Variants in PRDM5 observed in about 807,000 individuals in gnomAD.
PRDM5 encodes the protein PR/SET domain 5, also known as PR domain zinc finger protein 5.
A neutral mutation model predicts 81.2 loss-of-function variants in PRDM5; 56 were observed. The ratio of observed to expected loss-of-function variants is 0.69; its 90% CI spans 0.56 to 0.86. PRDM5 has a LOEUF of 0.86. Ranked by LOEUF, PRDM5 falls within the 40% of genes least tolerant of loss-of-function variation. The pLI is 0.00. For synonymous variants in PRDM5, 267 were observed against 256.4 expected, an observed-to-expected ratio of 1.04 and a Z score of -0.39; for missense variants, 697 against 770.1, an observed-to-expected ratio of 0.91 and a Z score of 1.12.
downstream of PRDM5, among the ~76,000 whole-genome samples, chr4:120,686,942 G>T (rs955202710): frequency 6.6e-6 from 1 of 151,966 alleles, no homozygotes; most frequent in African/African-American, 2.4e-5. Flanking sequence ...TTCAAACTCA[G>T]AATTGAAATT....
intron 15 of PRDM5, among the ~76,000 whole-genome samples, chr4:120,708,461 G>C (rs779080327): frequency 6.6e-5 from 10 of 152,056 alleles, no homozygotes; most frequent in Non-Finnish European, 1.5e-4. Flanking sequence ...AGTGAAAGCA[G>C]ATTGGTAGCT....
At position 120,846,406 on chromosome 4, in the gene PRDM5, C is replaced by A. The variant is rs552371522; in HGVS notation, c.300+7012G>T. On this transcript the variant is annotated intron_variant, in intron 3 of 15. Coordinates refer to ENST00000264808, the MANE Select transcript of PRDM5 (RefSeq NM_018699.4). ...AACCACCACCCTGATCAATCAGCAGCCATCAACATCAGGGTGAGACACTTC... is the reference window on the plus strand; with the variant it reads ...AACCACCACCCTGATCAATCAGCAGACATCAACATCAGGGTGAGACACTTC... Among the ~76,000 whole-genome samples the A allele has an allele frequency of 3.3e-5, 5 of 152,280 alleles. No individual in the cohort carries two copies. The South Asian group carries it at 1.0e-3, about 32-fold the overall frequency.
intron 3 of PRDM5, among the ~76,000 whole-genome samples, chr4:120,845,238 C>T (rs1047912440): frequency 3.9e-5 from 6 of 152,190 alleles, no homozygotes; most frequent in African/African-American, 1.4e-4. Context: ...CACTAAACAA[C>T]AGATTTTCAA....
intron 2 of PRDM5, among the ~76,000 whole-genome samples, chr4:120,882,080 C>A (rs536905702): frequency 6.6e-6 from 1 of 152,356 alleles, no homozygotes; most frequent in African/African-American, 2.4e-5. Flanking sequence ...TTCTCTCCCT[C>A]GCTCAGCGGG....
chr4:120,812,357 C>A (rs1240843447), intron 7 of PRDM5, among the ~76,000 whole-genome samples: 1 of 152,054 alleles, frequency 6.6e-6, no homozygotes, highest in African/African-American at 2.4e-5. Flanking sequence ...CATACCATTA[C>A]CCAAAGAGGC....
chr4:120,743,849 C>T (rs1445881597), intron 14 of PRDM5, among the ~76,000 whole-genome samples: 4 of 148,882 alleles, frequency 2.7e-5, no homozygotes, highest in Non-Finnish European at 4.5e-5. Context: ...TAACACCCCA[C>T]TGTCAACATT....
At chr4:120,852,335 G>A (rs913600868) in intron 3 of PRDM5, among the ~76,000 whole-genome samples, 3 of 152,124 alleles carry the variant, frequency 2.0e-5, no homozygotes, top group Non-Finnish European at 4.4e-5. Flanking sequence ...CTGTAAGGGT[G>A]TTTTTGGAAA....
intron 2 of PRDM5, among the ~76,000 whole-genome samples, chr4:120,884,758 T>C (rs1007292372): frequency 6.6e-6 from 1 of 152,172 alleles, no homozygotes; most frequent in Non-Finnish European, 1.5e-5. Context: ...TTTATTCATA[T>C]ACCTACTCTT....
chr4:120,887,363 C>T (rs1338402273), intron 2 of PRDM5, among the ~76,000 whole-genome samples: 1 of 152,140 alleles, frequency 6.6e-6, no homozygotes, highest in Non-Finnish European at 1.5e-5. Context: ...AACTCCAAGC[C>T]ACCATCAAAT....
At chr4:120,919,257 G>A (rs200259487) in intron 1 of PRDM5, among the ~76,000 whole-genome samples, 2 of 151,764 alleles carry the variant, frequency 1.3e-5, no homozygotes, top group East Asian at 3.9e-4. Context: ...TTTTATACTT[G>A]TTTGCTGCCT....
At chr4:120,907,923 C>A (rs539350950) in intron 1 of PRDM5, among the ~76,000 whole-genome samples, 1 of 152,340 alleles carries the variant, frequency 6.6e-6, no homozygotes, top group East Asian at 1.9e-4. Context: ...GCCCACCAGG[C>A]AGAAAATCAC....
intron 11 of PRDM5, among the ~76,000 whole-genome samples, chr4:120,782,592 G>A (rs1329654870): frequency 3.3e-5 from 5 of 152,034 alleles, no homozygotes; most frequent in African/African-American, 9.7e-5. Context: ...ACAAAGTCAC[G>A]TCCATACAAT....
At chr4:120,834,109 G>C (rs1040100532) in intron 3 of PRDM5, among the ~76,000 whole-genome samples, 1 of 152,126 alleles carries the variant, frequency 6.6e-6, no homozygotes, top group Non-Finnish European at 1.5e-5. Flanking sequence ...TGGAGGGACT[G>C]AAAAATCAGG....
chr4:120,684,297 G>C (rs1290852414), downstream of PRDM5, among the ~76,000 whole-genome samples: 1 of 151,902 alleles, frequency 6.6e-6, no homozygotes, highest in African/African-American at 2.4e-5. Context: ...CAAATAAGAT[G>C]AGAAATATTT....
At chr4:120,737,630 C>A (rs1169407212) in intron 14 of PRDM5, among the ~76,000 whole-genome samples, 1 of 152,198 alleles carries the variant, frequency 6.6e-6, no homozygotes, top group Non-Finnish European at 1.5e-5. Flanking sequence ...TCACAAACAT[C>A]TGATGAATGC....
downstream of PRDM5, among the ~76,000 whole-genome samples, chr4:120,688,741 G>A (rs574760799): frequency 1.2e-4 from 19 of 152,144 alleles, 2 homozygotes; most frequent in African/African-American, 4.6e-4. Context: ...TTCCCACTGT[G>A]TAGTCTTAGC....
At position 120,853,555 on chromosome 4, in the gene PRDM5, G is replaced by T. The variant is rs1209853884; in HGVS notation, c.178-15C>A. ...CTCCCACGAACCTGAAACATTAAAG[G>T]CTCCTGAGTTTACAATGGAAGTCAG... On this transcript the variant is annotated splice_polypyrimidine_tract_variant and intron_variant, in intron 2 of 15. Transcript: ENST00000264808. 6.2e-7 allele frequency: 1 copy of T among 1,613,462 alleles called. No individual in the cohort carries two copies. Among genetic ancestry groups the T allele is most frequent in the South Asian group, 1.1e-5 (1 of 91,076 alleles).
In PRDM5 at chr4:120,914,139, G is replaced by C. The variant is rs986811658; in HGVS notation, c.94-6582C>G. ...CAGCAGACAGAATACCTCAACTAAA[G>C]GGAATACCTGAATTATCTAAGAAAA... is the stretch of plus-strand genomic sequence containing the variant. On this transcript the variant is annotated intron_variant, in intron 1 of 15. Coordinates refer to ENST00000264808, the MANE Select transcript of PRDM5 (RefSeq NM_018699.4). Among the ~76,000 whole-genome samples, 62 of 151,558 alleles carry C rather than the reference G, an allele frequency of 4.1e-4. 1 individual carries two copies. The highest frequency in any genetic ancestry group is 2.5e-4 in the Non-Finnish European group (17 of 67,962).
intron 2 of PRDM5, among the ~76,000 whole-genome samples, chr4:120,868,240 A>G (rs1411888368): frequency 6.6e-6 from 1 of 152,180 alleles, no homozygotes; most frequent in Non-Finnish European, 1.5e-5. Context: ...CTGATTTTAA[A>G]AAAACTTATT....
Sources: gnomAD v4.1 joint callset for allele counts (sites outside exome capture counted in the v4.1 genomes callset) on GRCh38, gnomAD v4.1.1 for gene constraint, MANE v1.5 for transcripts, NCBI Gene and HGNC (gene_info 2026-07-23, HGNC 2026-07-21) for gene names.